Variants in PCDHA7 observed in about 807,000 individuals in gnomAD.
PCDHA7 encodes protocadherin alpha 7, also known as protocadherin alpha-7.
A neutral mutation model predicts 57.2 loss-of-function variants in PCDHA7; 37 were observed. The observed-to-expected ratio is 0.65, with a 90% CI of 0.50 to 0.85. The LOEUF is 0.85. Among genes scored for constraint, PCDHA7 ranks in the 40% least tolerant of loss-of-function variants. The pLI is 0.00. For missense variants in PCDHA7, 1,188 were observed against 1,241.8 expected (o/e 0.96, Z 0.65); for synonymous variants, 553 against 558.8 (o/e 0.99, Z 0.15).
chr5:140,839,394 TG>T (rs201675395), intron 1 of PCDHA7, among the ~76,000 whole-genome samples: 1,897 of 151,840 alleles, frequency 0.012, 32 homozygotes, highest in Middle Eastern at 0.017. Flanking sequence ...ATGATGATGA[TG>T]ATTATTATTT....
intron 1 of PCDHA7, among the ~76,000 whole-genome samples, chr5:140,899,285 A>T (rs2067252506): frequency 6.6e-6 from 1 of 152,132 alleles, no homozygotes; most frequent in African/African-American, 2.4e-5. Context: ...CAAAGGGAAT[A>T]CTTCCAGTTT....
At position 140,836,743 on chromosome 5, in the gene PCDHA7, G is replaced by A. The variant is rs143805132; in HGVS notation, c.2355+5G>A. The A allele has an allele frequency of 3.8e-4, 606 of 1,593,492 alleles. 2 individuals carry two copies. Among genetic ancestry groups the A allele is most frequent in the Non-Finnish European group, 4.1e-4 (480 of 1,171,798 alleles). ...GGTCCATCCTCTACAGACAATGTGA[G>A]TCATAAATAATCTTGTTTCCAACAA... On this transcript the variant is annotated splice_donor_5th_base_variant and intron_variant, in intron 1 of 3. Transcript: ENST00000525929.
chr5:140,861,756 T>C (rs1158733756), intron 1 of PCDHA7: 1 of 108,868 alleles, frequency 9.2e-6, no homozygotes, highest in Non-Finnish European at 1.9e-5. Context: ...AATGATTATT[T>C]TTCCCTGGAA....
At chr5:140,875,590 A>G (rs1554167782) in intron 1 of PCDHA7, 4 of 1,613,992 alleles carry the variant, frequency 2.5e-6, no homozygotes, top group Non-Finnish European at 3.4e-6. Flanking sequence ...CGAGGAGGCC[A>G]AACACGGCAC....
At chr5:140,971,892 G>T in intron 1 of PCDHA7, among the ~76,000 whole-genome samples, 1 of 151,812 alleles carries the variant, frequency 6.6e-6, no homozygotes, top group African/African-American at 2.4e-5. Context: ...AGCTCAGGGA[G>T]GTTAGGTAAT....
At chr5:140,870,819 G>A (rs1365807310) in intron 1 of PCDHA7, 2 of 1,613,712 alleles carry the variant, frequency 1.2e-6, no homozygotes, top group Admixed American at 3.3e-5. Flanking sequence ...CTGGCAGCGC[G>A]GGAGGCGCAG....
intron 1 of PCDHA7, chr5:140,875,945 CT>C (rs782069405): frequency 6.2e-7 from 1 of 1,614,144 alleles, no homozygotes; most frequent in South Asian, 1.1e-5. Flanking sequence ...GAGGGCGCTT[CT>C]GATGCGGATA....
chr5:140,905,776 GT>G (rs1255347430), intron 1 of PCDHA7, among the ~76,000 whole-genome samples: 1 of 152,068 alleles, frequency 6.6e-6, no homozygotes, highest in African/African-American at 2.4e-5. Flanking sequence ...ATTCCGAAGT[GT>G]ATTAGTCAGG....
chr5:140,985,841 G>A (rs2097174040), intron 3 of PCDHA7, among the ~76,000 whole-genome samples: 1 of 145,238 alleles, frequency 6.9e-6, no homozygotes, highest in Admixed American at 7.3e-5. Context: ...CCGGGTTCAT[G>A]CCACTCTCCT....
At chr5:140,927,201 C>T (rs1330352185) in intron 1 of PCDHA7, 7 of 1,614,032 alleles carry the variant, frequency 4.3e-6, no homozygotes, top group Non-Finnish European at 5.1e-6. Flanking sequence ...TGCTCGAGGA[C>T]CCGCTGGAGC....
At chr5:140,943,690 CA>C (rs2093548144) in intron 1 of PCDHA7, among the ~76,000 whole-genome samples, 1 of 151,974 alleles carries the variant, frequency 6.6e-6, no homozygotes, top group Non-Finnish European at 1.5e-5. Context: ...GGGATAAGGT[CA>C]AAATATTGTG....
At chr5:140,939,060 A>G (rs1435006375) in intron 1 of PCDHA7, among the ~76,000 whole-genome samples, 1 of 152,208 alleles carries the variant, frequency 6.6e-6, no homozygotes, top group Non-Finnish European at 1.5e-5. Flanking sequence ...TTGGGCTGCT[A>G]TATCAAAATA....
chr5:140,951,840 C>T (rs555935634), intron 1 of PCDHA7, among the ~76,000 whole-genome samples: 2 of 152,190 alleles, frequency 1.3e-5, no homozygotes, highest in African/African-American at 4.8e-5. Flanking sequence ...AGCATTAAGC[C>T]AAAAGTCCAA....
At chr5:140,993,151 TC>T (rs2097543126) in intron 3 of PCDHA7, among the ~76,000 whole-genome samples, 1 of 152,246 alleles carries the variant, frequency 6.6e-6, no homozygotes, top group Admixed American at 6.5e-5. Flanking sequence ...ATAAATGGAT[TC>T]TAAATATTTG....
intron 1 of PCDHA7, chr5:140,969,111 G>A (rs1554231464): frequency 4.3e-6 from 7 of 1,614,116 alleles, no homozygotes; most frequent in Non-Finnish European, 5.9e-6. Flanking sequence ...ATTGAAGTTC[G>A]AGGGAATGGC....
chr5:140,999,673 T>G (rs2097868835), intron 3 of PCDHA7, among the ~76,000 whole-genome samples: 1 of 152,050 alleles, frequency 6.6e-6, no homozygotes, highest in Non-Finnish European at 1.5e-5. Context: ...TGCGGGGGGC[T>G]CACAGAAAGA....
chr5:140,892,534 T>C (rs1554185241), intron 1 of PCDHA7, among the ~76,000 whole-genome samples: 2 of 152,254 alleles, frequency 1.3e-5, no homozygotes, highest in African/African-American at 2.4e-5. Context: ...CTCAGGATTC[T>C]GACTTTTGTT....
At chr5:140,947,969 C>T (rs1159851699) in intron 1 of PCDHA7, among the ~76,000 whole-genome samples, 1 of 151,182 alleles carries the variant, frequency 6.6e-6, no homozygotes, top group African/African-American at 2.4e-5. Context: ...TAAGTATGTG[C>T]TACTCATAGG....
chr5:140,952,101 A>G (rs1451958490), intron 1 of PCDHA7, among the ~76,000 whole-genome samples: 1 of 151,950 alleles, frequency 6.6e-6, no homozygotes, highest in African/African-American at 2.4e-5. Flanking sequence ...TCCAGGGCAC[A>G]CTCGTGTGAG....
Sources: gnomAD v4.1 joint callset for allele counts (sites outside exome capture counted in the v4.1 genomes callset) on GRCh38, gnomAD v4.1.1 for gene constraint, MANE v1.5 for transcripts, NCBI Gene and HGNC (gene_info 2026-07-23, HGNC 2026-07-21) for gene names.